Variants in STPG2 observed in about 807,000 individuals in gnomAD.
STPG2 encodes the protein sperm-tail PG-rich repeat-containing protein 2.
Under a neutral mutation model 54.2 loss-of-function variants are expected in STPG2, and 56 were observed. That is an observed-to-expected ratio of 1.03 (90% confidence interval 0.83 to 1.29). STPG2 has a LOEUF of 1.29. Among genes scored for constraint, STPG2 ranks in the 50% most tolerant of loss-of-function variants. STPG2 has a pLI of 0.00. For synonymous variants in STPG2, 200 were observed against 181.8 expected, an observed-to-expected ratio of 1.10 and a Z score of -0.81; for missense variants, 596 against 544.9, an observed-to-expected ratio of 1.09 and a Z score of -0.93.
At chr4:97,495,514 A>C (rs1730590696) in intron 4 of STPG2, among the ~76,000 whole-genome samples, 1 of 151,420 alleles carries the variant, frequency 6.6e-6, no homozygotes, top group African/African-American at 2.4e-5. Flanking sequence ...AGATTCTATA[A>C]GGCAATATAA....
At chr4:97,556,291 G>T (rs1487551828), downstream of STPG2, among the ~76,000 whole-genome samples, 1 of 152,082 alleles carries the variant, frequency 6.6e-6, no homozygotes, top group Non-Finnish European at 1.5e-5. Context: ...GTAATGCATG[G>T]AATTAACCAT....
At chr4:97,640,128 G>T (rs1721716328) in intron 10 of STPG2, among the ~76,000 whole-genome samples, 1 of 151,992 alleles carries the variant, frequency 6.6e-6, no homozygotes, top group Non-Finnish European at 1.5e-5. Context: ...CAGTAGAAAG[G>T]CATGTTTATA....
chr4:97,761,422 C>T (rs965660689), intron 9 of STPG2, among the ~76,000 whole-genome samples: 2 of 152,100 alleles, frequency 1.3e-5, no homozygotes, highest in African/African-American at 2.4e-5. Flanking sequence ...GGATAACCAA[C>T]AAACAACAGA....
At chr4:97,777,231 C>G (rs1416694102) in intron 9 of STPG2, among the ~76,000 whole-genome samples, 7 of 152,190 alleles carry the variant, frequency 4.6e-5, no homozygotes, top group Admixed American at 4.6e-4. Flanking sequence ...GTTAGGCCTT[C>G]AGCTTATAGC....
chr4:97,784,933 G>A (rs1726778506), intron 9 of STPG2, among the ~76,000 whole-genome samples: 3 of 151,874 alleles, frequency 2.0e-5, no homozygotes, highest in Non-Finnish European at 4.4e-5. Flanking sequence ...TAATCTTTCT[G>A]TATCTCTTCA....
intron 3 of STPG2, among the ~76,000 whole-genome samples, chr4:98,113,017 A>G (rs1739407780): frequency 1.3e-5 from 2 of 151,516 alleles, no homozygotes; most frequent in Admixed American, 6.6e-5. Context: ...AACTATGAAA[A>G]AAAAAAAAAA....
chr4:98,128,602 A>C lies in STPG2; in HGVS notation c.223-10T>G. On this transcript the variant is annotated splice_polypyrimidine_tract_variant and intron_variant, in intron 2 of 10. Transcript: ENST00000295268. Reference sequence around the variant, plus strand: ...GTGATCTTGAAATTTTCTGCAAGGAAAACATTTTATATTATTTATTCCAAG... The same window carrying C: ...GTGATCTTGAAATTTTCTGCAAGGACAACATTTTATATTATTTATTCCAAG... 2 of 1,569,072 alleles carry C rather than the reference A, an allele frequency of 1.3e-6. No homozygotes were observed. Among genetic ancestry groups the C allele is most frequent in the African/African-American group, 1.4e-5 (1 of 72,962 alleles).
intron 10 of STPG2, among the ~76,000 whole-genome samples, chr4:97,560,413 T>C (rs910036491): frequency 6.6e-6 from 1 of 152,124 alleles, no homozygotes. Context: ...ATAAATCTCA[T>C]TTGAAGAACA....
chr4:97,969,257 G>T (rs929741419), intron 7 of STPG2, among the ~76,000 whole-genome samples: 2 of 152,150 alleles, frequency 1.3e-5, no homozygotes. Context: ...CAGTGTTTCT[G>T]TTTTAAGGCT....
At chr4:97,756,455 G>A (rs1252139557) in intron 9 of STPG2, among the ~76,000 whole-genome samples, 1 of 152,110 alleles carries the variant, frequency 6.6e-6, no homozygotes, top group African/African-American at 2.4e-5. Context: ...CCAAGTAGCT[G>A]GGATTACAGG....
intron 10 of STPG2, among the ~76,000 whole-genome samples, chr4:97,586,611 A>G (rs889739942): frequency 6.6e-6 from 1 of 152,006 alleles, no homozygotes; most frequent in Non-Finnish European, 1.5e-5. Flanking sequence ...GGAAACACCA[A>G]TTTGAAGGCC....
chr4:97,801,817 T>C (rs1727409928), intron 9 of STPG2, among the ~76,000 whole-genome samples: 1 of 152,160 alleles, frequency 6.6e-6, no homozygotes. Flanking sequence ...TCACCTTTCC[T>C]ATCCTATCCC....
intron 8 of STPG2, among the ~76,000 whole-genome samples, chr4:97,866,906 A>C (rs1033013579): frequency 4.8e-5 from 7 of 146,532 alleles, no homozygotes; most frequent in Non-Finnish European, 1.1e-4. Context: ...CAGTTGCAGC[A>C]AGGTAAAAAA....
chr4:97,561,984 A>G (rs1335506702), intron 10 of STPG2, among the ~76,000 whole-genome samples: 1 of 152,140 alleles, frequency 6.6e-6, no homozygotes, highest in Non-Finnish European at 1.5e-5. Context: ...GAAGAAAGTC[A>G]TTGGTAGCTT....
intron 10 of STPG2, among the ~76,000 whole-genome samples, chr4:97,590,227 C>CA (rs1442048651): frequency 6.6e-6 from 1 of 151,968 alleles, no homozygotes; most frequent in Non-Finnish European, 1.5e-5. Context: ...CAGGTCTATG[C>CA]AACCTACCCC....
At chr4:97,895,159 C>T (rs139081047) in intron 8 of STPG2, among the ~76,000 whole-genome samples, 6 of 151,698 alleles carry the variant, frequency 4.0e-5, no homozygotes, top group Admixed American at 2.0e-4. Context: ...AGTGATGACA[C>T]GGTAATAATA....
intron 9 of STPG2, among the ~76,000 whole-genome samples, chr4:97,767,846 G>A (rs1726100326): frequency 6.6e-6 from 1 of 152,092 alleles, no homozygotes; most frequent in Admixed American, 6.6e-5. Context: ...CAAGAGATGA[G>A]AAGAGAAAAT....
At chr4:98,068,726 T>G (rs1737910152) in intron 5 of STPG2, among the ~76,000 whole-genome samples, 3 of 152,040 alleles carry the variant, frequency 2.0e-5, no homozygotes, top group Admixed American at 2.0e-4. Flanking sequence ...TGAGGTGATT[T>G]CATCATTGTG....
intron 9 of STPG2, among the ~76,000 whole-genome samples, chr4:97,823,129 C>T (rs1258783529): frequency 6.6e-6 from 1 of 152,208 alleles, no homozygotes; most frequent in Admixed American, 6.5e-5. Context: ...GAAGATCAAG[C>T]TAACATCATT....
Sources: allele counts gnomAD v4.1 joint callset (sites outside exome capture counted in the v4.1 genomes callset), GRCh38; gene constraint gnomAD v4.1.1; transcripts MANE v1.5; gene names NCBI Gene and HGNC (gene_info 2026-07-23, HGNC 2026-07-21).